The following NCOR1 variants were observed in gnomAD, a reference collection of about 807,000 sequenced individuals.
The protein encoded by NCOR1 is nuclear receptor corepressor 1, also known as protein phosphatase 1, regulatory subunit 109.
NCOR1 carries 63 observed loss-of-function variants against 288.1 expected under a neutral mutation model. The ratio of observed to expected loss-of-function variants is 0.22; its 90% confidence interval spans 0.18 to 0.27. The LOEUF (loss-of-function observed/expected upper bound fraction) is 0.27, where lower values mean the gene tolerates loss of function less well. Ranked by LOEUF, NCOR1 falls within the 10% of genes least tolerant of loss-of-function variation. The probability of loss-of-function intolerance (pLI) is 1.00; values close to 1 mark genes in which losing one functional copy is unlikely to be tolerated. For synonymous variants in NCOR1, 1,007 were observed against 1,065.9 expected (o/e 0.94, Z 1.08); for missense variants, 2,397 against 3,019.2 (o/e 0.79, Z 4.83).
intron 19 of NCOR1, among the ~76,000 whole-genome samples, chr17:16,106,854 C>CACATATATATATATAT (rs1555652880): frequency 1.7e-4 from 8 of 46,156 alleles, no homozygotes; most frequent in African/African-American, 8.5e-4. Context: ...CTTGATCAGA[C>CACATATATATATATAT]ATATATATAT....
intron 23 of NCOR1, chr17:16,084,127 T>C (rs2063842841): frequency 6.5e-6 from 1 of 154,668 alleles, no homozygotes; most frequent in Non-Finnish European, 1.4e-5. Context: ...TTGTGAGCAG[T>C]TTCTCCAAGA....
intron 14 of NCOR1, among the ~76,000 whole-genome samples, chr17:16,127,394 C>CATGT (rs2074571201): frequency 1.0e-5 from 1 of 96,022 alleles, no homozygotes; most frequent in South Asian, 2.9e-4. Flanking sequence ...TGTATATATA[C>CATGT]ATGTGTATAT....
At chr17:16,064,032 T>C (rs751469274) in intron 35 of NCOR1, 36 bp downstream of exon 35, 2 of 1,610,074 alleles carry the variant, frequency 1.2e-6, no homozygotes, top group African/African-American at 2.7e-5. Context: ...TACTAAGATG[T>C]GTCCAGAGAA....
At chr17:16,172,621 T>C (rs1408491896) in intron 3 of NCOR1, among the ~76,000 whole-genome samples, 1 of 152,216 alleles carries the variant, frequency 6.6e-6, no homozygotes, top group East Asian at 1.9e-4. Flanking sequence ...TGAGGTACCA[T>C]TCAGTCTTAA....
In NCOR1 at chr17:16,034,907, G is replaced by C. The variant is rs776769842; in HGVS notation, c.6993C>G (p.Asn2331Lys). The change falls in exon 45 of 46, where the codon AAC becomes AAG. Residue 2331 changes from asparagine (N) to lysine (K), a missense_variant. Asn to Lys is a moderately conservative substitution (Grantham distance 94, BLOSUM62 0). Around this residue, in one of 11 missense-constraint regions of NCOR1, gnomAD observed 1,872 missense variants for 2,187.8 expected, o/e 0.86. Coordinates refer to ENST00000268712, the MANE Select transcript of NCOR1 (RefSeq NM_006311.4). Reference protein sequence around the residue: ...VCKPKLISKSNSRKSKSPIPG... With the variant: ...VCKPKLISKSKSRKSKSPIPG... ...GTATAGGAGACTTAGATTTCCTGCT[G>C]TTTGACTTGCTGATCAGCTTTGGTT... 3 of 1,614,098 alleles carry C rather than the reference G, an allele frequency of 1.9e-6. No homozygotes were observed. Among genetic ancestry groups the C allele is most frequent in the African/African-American group, 2.7e-5 (2 of 74,994 alleles).
intron 2 of NCOR1, among the ~76,000 whole-genome samples, chr17:16,192,522 G>A (rs1022293564): frequency 1.3e-5 from 2 of 152,200 alleles, no homozygotes; most frequent in East Asian, 1.9e-4. Context: ...TGGGTGTGGC[G>A]GCACACGCCT....
chr17:16,114,842 G>A lies in NCOR1; in HGVS notation c.2055+3046C>T, dbSNP rs150990699. The stretch of plus-strand genomic sequence containing the variant: ...CGTTGAGTGTCTGCGGCTTTTCCAG[G>A]CACACAGTGCAAACTGTAGGTGGAT... On this transcript the variant is annotated intron_variant, in intron 18 of 45. Transcript: ENST00000268712. Among the ~76,000 whole-genome samples, 9 of 152,246 alleles carry A rather than the reference G, an allele frequency of 5.9e-5. No homozygotes were observed. The East Asian group carries it at 1.5e-3, about 26-fold the overall frequency.
rs1260202474 is a variant in NCOR1 at position 16,101,698 on chromosome 17, C to G, written c.2242G>C (p.Glu748Gln). The change falls in exon 20 of 46, where the codon GAA becomes CAA. Residue 748 changes from glutamate to glutamine, a missense_variant. Physicochemically the swap from Glu to Gln is conservative, Grantham distance 29. Transcript: ENST00000268712. ...GTGGGCTCAAGCTCAACCGCAGGTTCTGTGTTTCCTCGAGAAGTAGCATTT... is the reference window on the plus strand; with the variant it reads ...GTGGGCTCAAGCTCAACCGCAGGTTGTGTGTTTCCTCGAGAAGTAGCATTT... ...PENATSRGNT[E>Q]PAVELEPTTE... The G allele has an allele frequency of 1.2e-6, 2 of 1,614,092 alleles. No individual in the cohort carries two copies. The highest frequency in any genetic ancestry group is 1.7e-5 in the Admixed American group (1 of 60,012).
At chr17:16,085,223 G>C (rs1223050639) in intron 23 of NCOR1, among the ~76,000 whole-genome samples, 1 of 152,176 alleles carries the variant, frequency 6.6e-6, no homozygotes, top group African/African-American at 2.4e-5. Flanking sequence ...ACCACAATAA[G>C]ATATTACTAC....
At chr17:16,128,840 C>T (rs1365002241) in intron 14 of NCOR1, among the ~76,000 whole-genome samples, 1 of 152,160 alleles carries the variant, frequency 6.6e-6, no homozygotes, top group Non-Finnish European at 1.5e-5. Flanking sequence ...AAAAGAAGTC[C>T]CATCCACATT....
rs138425397 is a variant in NCOR1 at position 16,127,408 on chromosome 17, T to C, written c.1510-1202A>G. ...ATGTATATATACATGTGTATATGTG[T>C]ATGTATATATACATGTGTATATGTG... On this transcript the variant is annotated intron_variant, in intron 14 of 45. Coordinates refer to ENST00000268712, the MANE Select transcript of NCOR1 (RefSeq NM_006311.4). 8.4e-3 allele frequency among the ~76,000 whole-genome samples: 801 copies of C among 95,498 alleles called. 118 individuals are homozygous for C. Among genetic ancestry groups the C allele is most frequent in the African/African-American group, 0.039 (759 of 19,670 alleles). 62.7% of individuals were successfully genotyped at this position (95,498 alleles called of 152,430 possible). A position where few individuals can be genotyped will look rare whatever the true frequency, so the allele number is the denominator to read the frequency against.
intron 42 of NCOR1, chr17:16,040,942 G>C (rs115251986): frequency 0.019 from 3,131 of 167,176 alleles, 110 homozygotes; most frequent in African/African-American, 0.07. Flanking sequence ...TGCACTGCTG[G>C]AGAAAAACAA....
intron 3 of NCOR1, among the ~76,000 whole-genome samples, chr17:16,179,706 G>A (rs2084973796): frequency 6.6e-6 from 1 of 152,186 alleles, no homozygotes; most frequent in Admixed American, 6.5e-5. Context: ...TCTCTCTAAT[G>A]AACACTGATG....
At position 16,143,658 on chromosome 17, in the gene NCOR1, G is replaced by A. The variant is rs1461318190; in HGVS notation, c.1121C>T (p.Ala374Val). 6.2e-7 allele frequency: 1 copy of A among 1,613,748 alleles called. No homozygotes were observed. The highest frequency in any genetic ancestry group is 8.5e-7 in the Non-Finnish European group (1 of 1,179,846). Residue 374 changes from alanine to valine, a missense_variant, in exon 11 of 46, where the codon GCT becomes GTT. This residue lies in a region of NCOR1 where 51 missense variants were observed against 127.6 expected (regional missense o/e 0.40). Transcript: ENST00000268712. ...TTCAGAAATCTCATGCTCACTCCTA[G>A]CAATGGTGGCTGAAAGACCAGCTCC... ...QRGAGLSATIARSEHEISEII... is the reference protein window; with the variant it reads ...QRGAGLSATIVRSEHEISEII...
chr17:16,084,649 T>C (rs1157159794), intron 23 of NCOR1, among the ~76,000 whole-genome samples: 1 of 152,262 alleles, frequency 6.6e-6, no homozygotes, highest in African/African-American at 2.4e-5. Flanking sequence ...ATGGAGACAG[T>C]GCAGAAACAG....
In NCOR1 at chr17:16,101,901, T is replaced by C. The variant is rs1490118539; in HGVS notation, c.2183-144A>G. On this transcript the variant is annotated intron_variant, in intron 19 of 45. Coordinates refer to ENST00000268712, the MANE Select transcript of NCOR1 (RefSeq NM_006311.4). ...GAAAGTAGTTGTTTAGGATGAATTCTACTCCTTTGATGACCTCATTGAAGT... is the reference window on the plus strand; with the variant it reads ...GAAAGTAGTTGTTTAGGATGAATTCCACTCCTTTGATGACCTCATTGAAGT... 48 of 1,046,704 alleles carry C rather than the reference T, an allele frequency of 4.6e-5. No homozygotes were observed. In the South Asian group the frequency reaches 7.7e-4, roughly 17 times the overall value. The allele number at this position is 1,046,704 out of a possible 1,614,324, so 64.8% of individuals were successfully genotyped here.
chr17:16,157,279 G>T (rs779471001), intron 6 of NCOR1, among the ~76,000 whole-genome samples: 1 of 152,082 alleles, frequency 6.6e-6, no homozygotes. Flanking sequence ...TCTTCATGTA[G>T]ACTGCTGTGG....
At chr17:16,117,767 A>G (rs1255715717) in intron 18 of NCOR1, 121 bp downstream of exon 18, 1 of 1,067,760 alleles carries the variant, frequency 9.4e-7, no homozygotes. Flanking sequence ...GTTTGCAGTG[A>G]GCCAAGATTG....
chr17:16,051,696 G>C (rs760151501), intron 40 of NCOR1, among the ~76,000 whole-genome samples: 2 of 152,112 alleles, frequency 1.3e-5, no homozygotes, highest in Non-Finnish European at 2.9e-5. Flanking sequence ...CGGATCACCG[G>C]AGGTCGGGAG....
Sources: gnomAD v4.1 joint callset for allele counts (sites outside exome capture counted in the v4.1 genomes callset) on GRCh38, gnomAD v4.1.1 for gene constraint, gnomAD v4.1.1 regional missense constraint, MANE v1.5 for transcripts, NCBI Gene and HGNC (gene_info 2026-07-23, HGNC 2026-07-21) for gene names.